The following TANGO6 variants were observed in gnomAD, a reference collection of about 807,000 sequenced individuals.
TANGO6 encodes transport and golgi organization 6 homolog.
In TANGO6, 90 loss-of-function variants were observed where a neutral mutation model predicts 114.2. That is an observed-to-expected ratio of 0.79 (90% CI 0.66 to 0.94). The LOEUF is 0.94. TANGO6 is among the 40% of genes least tolerant of loss of function. The pLI, the probability that TANGO6 is intolerant of heterozygous loss-of-function variation, is 0.00. For missense variants in TANGO6, 1,274 were observed against 1,315.3 expected, an observed-to-expected ratio of 0.97 and a Z score of 0.49; for synonymous variants, 477 against 509.8, an observed-to-expected ratio of 0.94 and a Z score of 0.87.
At chr16:68,866,614 A>G (rs1345771412) in intron 3 of TANGO6, among the ~76,000 whole-genome samples, 1 of 140,088 alleles carries the variant, frequency 7.1e-6, no homozygotes, top group East Asian at 2.2e-4. Flanking sequence ...TGGGCGACAG[A>G]GCAAGACTCC....
At chr16:69,051,723 G>A (rs1327621602) in intron 17 of TANGO6, among the ~76,000 whole-genome samples, 4 of 152,032 alleles carry the variant, frequency 2.6e-5, no homozygotes, top group African/African-American at 9.7e-5. Context: ...GCATGCGCCT[G>A]TAATCCCAGC....
chr16:69,066,299 T>C (rs1258760123), intron 17 of TANGO6, among the ~76,000 whole-genome samples: 1 of 152,116 alleles, frequency 6.6e-6, no homozygotes, highest in African/African-American at 2.4e-5. Context: ...TTTGTTTATT[T>C]ATTTATTTAT....
chr16:68,939,120 A>G (rs980689740), intron 14 of TANGO6, among the ~76,000 whole-genome samples: 1 of 151,288 alleles, frequency 6.6e-6, no homozygotes, highest in African/African-American at 2.4e-5. Context: ...AACAAAAAAA[A>G]CCTTAAAAGT....
intron 17 of TANGO6, among the ~76,000 whole-genome samples, chr16:69,067,518 C>CAAAAAAAAAAAAAAAAAAAAA (rs1199698790): frequency 1.6e-4 from 7 of 43,724 alleles, no homozygotes; most frequent in Admixed American, 3.2e-4. Flanking sequence ...AACTCCATCT[C>CAAAAAAAAAAAAAAAAAAAAA]AAAAAAAAAA....
At chr16:69,018,078 T>A (rs1295882021) in intron 15 of TANGO6, among the ~76,000 whole-genome samples, 2 of 150,770 alleles carry the variant, frequency 1.3e-5, no homozygotes, top group African/African-American at 4.9e-5. Context: ...AATTTTTGTA[T>A]TTTTAGTAGA....
intron 17 of TANGO6, 35 bp downstream of exon 17, chr16:69,040,456 C>T (rs1435822089): frequency 6.6e-7 from 1 of 1,510,782 alleles, no homozygotes; most frequent in South Asian, 1.2e-5. Context: ...AATTTCTCCA[C>T]CTCTTTTATT....
chr16:68,918,100 G>A (rs1963033402), intron 11 of TANGO6, among the ~76,000 whole-genome samples: 1 of 151,952 alleles, frequency 6.6e-6, no homozygotes, highest in African/African-American at 2.4e-5. Context: ...GGTAGAGACA[G>A]GGTTCACCAT....
At position 68,974,068 on chromosome 16, in the gene TANGO6, G is replaced by T; in HGVS notation, c.2742G>T (p.Leu914Phe). Residue 914 changes from leucine to phenylalanine, a missense_variant, in exon 15 of 18, where the codon TTG (leucine) becomes TTT (phenylalanine). Coordinates refer to ENST00000261778, the MANE Select transcript of TANGO6 (RefSeq NM_024562.2). Reference sequence around the variant, plus strand: ...CAGACGTCTATCCTGAGAAAATCTTGCCGGACTTGTTGGCTCAATATGACA... The same window carrying T: ...CAGACGTCTATCCTGAGAAAATCTTTCCGGACTTGTTGGCTCAATATGACA... ...LLSDVYPEKI[L>F]PDLLAQYDSS... 6.2e-7 allele frequency: 1 copy of T among 1,612,968 alleles called. No individual in the cohort carries two copies. The highest frequency in any genetic ancestry group is 1.1e-5 in the South Asian group (1 of 90,810).
At chr16:68,973,287 A>C (rs1963727577) in intron 14 of TANGO6, 1 of 387,632 alleles carries the variant, frequency 2.6e-6, no homozygotes, top group Non-Finnish European at 5.0e-6. Flanking sequence ...CTTTTTCGTC[A>C]CTGTTCTTTA....
chr16:68,998,723 T>TC (rs1456746265), intron 15 of TANGO6, among the ~76,000 whole-genome samples: 1 of 135,722 alleles, frequency 7.4e-6, no homozygotes, highest in Non-Finnish European at 1.6e-5. Flanking sequence ...AGAGTGAGAC[T>TC]CCATCTCAAA....
intron 15 of TANGO6, among the ~76,000 whole-genome samples, chr16:69,015,568 A>G (rs1041645815): frequency 6.6e-6 from 1 of 151,390 alleles, no homozygotes; most frequent in Non-Finnish European, 1.5e-5. Flanking sequence ...TGTAAGCTCC[A>G]CCTCCTGGGT....
chr16:68,921,287 A>G (rs1963088929), intron 12 of TANGO6, among the ~76,000 whole-genome samples: 1 of 151,108 alleles, frequency 6.6e-6, no homozygotes, highest in Non-Finnish European at 1.5e-5. Flanking sequence ...GGTTCAAGCA[A>G]TTCTCCTGCC....
intron 14 of TANGO6, among the ~76,000 whole-genome samples, chr16:68,946,437 G>A (rs762788399): frequency 5.9e-5 from 9 of 151,536 alleles, no homozygotes; most frequent in Non-Finnish European, 1.2e-4. Flanking sequence ...CTCGTGATCC[G>A]CCCACCTCGG....
rs536426658 is a variant in TANGO6, at chr16:69,055,759, C to T, written c.3108+15338C>T. Among the ~76,000 whole-genome samples, 4 of 152,294 alleles carry T rather than the reference C, an allele frequency of 2.6e-5. No individual in the cohort carries two copies. The South Asian group carries it at 8.3e-4, about 32-fold the overall frequency. ...GCTTGAAAAGTAAAGCTGAGCCAGGCGTGCTGGCGTGTCACGCCTGTAATC... is the reference window on the plus strand; with the variant it reads ...GCTTGAAAAGTAAAGCTGAGCCAGGTGTGCTGGCGTGTCACGCCTGTAATC... On this transcript the variant is annotated intron_variant, in intron 17 of 17. Transcript: ENST00000261778.
Position 68,961,951 on chromosome 16 carries a change from G to A in TANGO6, c.2702-12077G>A, listed in dbSNP as rs535643714. On this transcript the variant is annotated intron_variant, in intron 14 of 17. Transcript: ENST00000261778. ...AGCAGGATGCTTCGGTAGCTCTTTC[G>A]TCTAACCCTGTTTTTTCCTCAGGCC... is the stretch of plus-strand genomic sequence containing the variant. 5.9e-5 allele frequency among the ~76,000 whole-genome samples: 9 copies of A among 152,212 alleles called. No homozygotes were observed. In the East Asian group the frequency reaches 9.6e-4, roughly 16 times the overall value.
chr16:69,081,241 T>C (rs1960460602), intron 17 of TANGO6, among the ~76,000 whole-genome samples: 1 of 152,106 alleles, frequency 6.6e-6, no homozygotes, highest in African/African-American at 2.4e-5. Flanking sequence ...CAAAAAGTAG[T>C]AGTATTTGAG....
intron 17 of TANGO6, among the ~76,000 whole-genome samples, chr16:69,067,122 C>T (rs1960224159): frequency 6.6e-6 from 1 of 152,256 alleles, no homozygotes; most frequent in African/African-American, 2.4e-5. Flanking sequence ...GCCTCAAACT[C>T]CTGGGCTCAA....
intron 2 of TANGO6, 149 bp downstream of exon 2, chr16:68,860,673 G>T: frequency 1.8e-6 from 2 of 1,088,898 alleles, no homozygotes; most frequent in Non-Finnish European, 2.5e-6. Context: ...AATCTTTTGG[G>T]GGTGGGCGCA....
At chr16:68,868,490 C>CTTTTTTT (rs1596996308) in intron 4 of TANGO6, among the ~76,000 whole-genome samples, 1 of 121,946 alleles carries the variant, frequency 8.2e-6, no homozygotes, top group African/African-American at 3.1e-5. Context: ...CTCTATATTT[C>CTTTTTTT]TATTTTTTTT....
Sources: gnomAD v4.1 joint callset for allele counts (sites outside exome capture counted in the v4.1 genomes callset) on GRCh38, gnomAD v4.1.1 for gene constraint, MANE v1.5 for transcripts, NCBI Gene and HGNC (gene_info 2026-07-23, HGNC 2026-07-21) for gene names.